The following POU6F2 variants were observed in gnomAD, a reference collection of about 807,000 sequenced individuals.
The protein encoded by POU6F2 is POU class 6 homeobox 2, also known as POU domain, class 6, transcription factor 2.
Under a neutral mutation model 71.3 loss-of-function variants are expected in POU6F2, and 31 were observed. The observed-to-expected ratio is 0.43, with a 90% CI of 0.33 to 0.59. The LOEUF (loss-of-function observed/expected upper bound fraction) is 0.59. Among genes scored for constraint, POU6F2 ranks in the 20% least tolerant of loss-of-function variants. The probability of loss-of-function intolerance (pLI) is 0.04; values close to 1 mark genes in which losing one functional copy is unlikely to be tolerated. For missense variants in POU6F2, 783 were observed against 856.8 expected (o/e 0.91, Z 1.07); for synonymous variants, 347 against 355.7 (o/e 0.98, Z 0.27).
chr7:39,287,905 A>G (rs1463037998), intron 4 of POU6F2, among the ~76,000 whole-genome samples: 1 of 152,170 alleles, frequency 6.6e-6, no homozygotes, highest in Non-Finnish European at 1.5e-5. Context: ...TCTGTATATA[A>G]CAGATGCTCA....
intron 1 of POU6F2, among the ~76,000 whole-genome samples, chr7:39,032,149 G>T (rs2128709625): frequency 6.6e-6 from 1 of 152,180 alleles, no homozygotes; most frequent in East Asian, 1.9e-4. Flanking sequence ...GTTGCATTTT[G>T]TTTACCAGTG....
At chr7:39,229,252 C>A (rs181038123) in intron 4 of POU6F2, among the ~76,000 whole-genome samples, 1 of 152,224 alleles carries the variant, frequency 6.6e-6, no homozygotes, top group Non-Finnish European at 1.5e-5. Flanking sequence ...TCCTCCAGCC[C>A]CACTTCAGTA....
intron 4 of POU6F2, among the ~76,000 whole-genome samples, chr7:39,278,193 CTG>C (rs1054503011): frequency 4.6e-5 from 7 of 152,052 alleles, no homozygotes; most frequent in Admixed American, 3.3e-4. Context: ...AAGGAGAACT[CTG>C]AGGAAAAGCA....
At chr7:39,293,007 CA>C (rs1784789762) in intron 4 of POU6F2, among the ~76,000 whole-genome samples, 1 of 152,032 alleles carries the variant, frequency 6.6e-6, no homozygotes, top group South Asian at 2.1e-4. Context: ...TCTGTCTTAC[CA>C]AAAAGAGAAA....
chr7:39,340,864 G>C (rs1202829843), intron 5 of POU6F2, among the ~76,000 whole-genome samples: 4 of 152,122 alleles, frequency 2.6e-5, no homozygotes, highest in African/African-American at 7.2e-5. Context: ...CATCATATCA[G>C]ATCCAGAAAT....
intron 2 of POU6F2, among the ~76,000 whole-genome samples, chr7:39,114,623 G>A (rs910540155): frequency 6.6e-6 from 1 of 152,060 alleles, no homozygotes; most frequent in Non-Finnish European, 1.5e-5. Context: ...ATTTTTGATG[G>A]TATTAAAGAC....
chr7:39,397,479 C>CATAT (rs138498102), intron 5 of POU6F2, among the ~76,000 whole-genome samples: 51 of 142,510 alleles, frequency 3.6e-4, no homozygotes, highest in Middle Eastern at 3.6e-3. Flanking sequence ...TAGAGAGAGA[C>CATAT]ATATATATAT....
chr7:39,014,283 G>A (rs1420904333), intron 1 of POU6F2, among the ~76,000 whole-genome samples: 1 of 152,146 alleles, frequency 6.6e-6, no homozygotes, highest in Non-Finnish European at 1.5e-5. Flanking sequence ...ATTTCCCACA[G>A]GAGATTGTTT....
intron 1 of POU6F2, among the ~76,000 whole-genome samples, chr7:39,048,802 G>A (rs987653521): frequency 6.6e-6 from 1 of 151,962 alleles, no homozygotes; most frequent in Admixed American, 6.6e-5. Flanking sequence ...CACCAGCAGT[G>A]TATGAGCCGT....
intron 1 of POU6F2, among the ~76,000 whole-genome samples, chr7:39,047,413 T>C (rs1307250754): frequency 6.6e-6 from 1 of 151,948 alleles, no homozygotes. Context: ...GTAGTTTTCA[T>C]TGTATAAATC....
At chr7:39,413,445 T>C (rs1787597401) in intron 6 of POU6F2, among the ~76,000 whole-genome samples, 1 of 152,242 alleles carries the variant, frequency 6.6e-6, no homozygotes, top group Admixed American at 6.5e-5. Context: ...ACATGTTTTG[T>C]TGAAAATTCA....
chr7:39,105,649 T>TA (rs1791665136), intron 2 of POU6F2, among the ~76,000 whole-genome samples: 1 of 152,204 alleles, frequency 6.6e-6, no homozygotes, highest in Non-Finnish European at 1.5e-5. Flanking sequence ...AAGATCCCAT[T>TA]AAGACTCAGA....
chr7:39,464,497 C>G lies in POU6F2; in HGVS notation c.1974C>G (p.Asn658Lys). The G allele has an allele frequency of 6.2e-7, 1 of 1,613,808 alleles. No homozygotes were observed. The highest frequency in any genetic ancestry group is 8.5e-7 in the Non-Finnish European group (1 of 1,179,794). The change falls in exon 10 of 10, where the codon AAC (asparagine) becomes AAG (lysine). Residue 658 changes from asparagine (N) to lysine (K), a missense_variant. Asn to Lys is a moderately conservative substitution (Grantham distance 94, BLOSUM62 0). Transcript: ENST00000518318. This position sits in a 1 kb window ranked among gnomAD's most constrained non-coding sequence, Gnocchi z 4.1. Reference protein sequence around the residue: ...LEILNAHFEKNTHPSGQEMTE... With the variant: ...LEILNAHFEKKTHPSGQEMTE... ...TCCTCAATGCCCACTTTGAGAAGAACACACACCCTTCTGGGCAGGAAATGA... is the reference window on the plus strand; with the variant it reads ...TCCTCAATGCCCACTTTGAGAAGAAGACACACCCTTCTGGGCAGGAAATGA...
intron 2 of POU6F2, among the ~76,000 whole-genome samples, chr7:39,155,320 C>A (rs1792847472): frequency 6.6e-6 from 1 of 151,514 alleles, no homozygotes; most frequent in Admixed American, 6.6e-5. Flanking sequence ...ATAGAGCAAC[C>A]TTATATGAGA....
chr7:38,994,955 C>G lies in POU6F2; in HGVS notation c.105+16897C>G, dbSNP rs549191167. ...ACTTCCAAGAATCCCCATTGACAGA[C>G]TGATCAACTCAGATCTTCTTATTGA... On this transcript the variant is annotated intron_variant, in intron 1 of 9. Coordinates refer to ENST00000518318, the MANE Select transcript of POU6F2 (RefSeq NM_001370959.1). Among the ~76,000 whole-genome samples, 16 of 152,326 alleles carry G rather than the reference C, an allele frequency of 1.1e-4. No homozygotes were observed. The East Asian group carries it at 2.9e-3, about 28-fold the overall frequency.
At chr7:39,111,065 G>T (rs944135680) in intron 2 of POU6F2, among the ~76,000 whole-genome samples, 4 of 151,972 alleles carry the variant, frequency 2.6e-5, no homozygotes, top group African/African-American at 9.7e-5. Context: ...ATCAATTTTT[G>T]ATAAATGTGT....
At chr7:39,194,321 G>A (rs1478728768) in intron 2 of POU6F2, among the ~76,000 whole-genome samples, 2 of 152,212 alleles carry the variant, frequency 1.3e-5, no homozygotes, top group Non-Finnish European at 2.9e-5. Context: ...TCTTGAGATC[G>A]AGAACACATC....
intron 2 of POU6F2, among the ~76,000 whole-genome samples, chr7:39,148,933 C>T (rs1007034379): frequency 5.3e-5 from 8 of 152,062 alleles, no homozygotes; most frequent in Admixed American, 2.0e-4. Context: ...TGTGGAAGGA[C>T]GGGGAGTTTC....
intron 4 of POU6F2, among the ~76,000 whole-genome samples, chr7:39,210,881 G>A (rs1354261081): frequency 3.9e-5 from 6 of 152,144 alleles, no homozygotes; most frequent in East Asian, 3.9e-4. Context: ...TAGTCTGTTT[G>A]GGCTGCTATA....
Sources: allele counts gnomAD v4.1 joint callset (sites outside exome capture counted in the v4.1 genomes callset), GRCh38; gene constraint gnomAD v4.1.1; non-coding constraint Gnocchi (gnomAD v3.1); transcripts MANE v1.5; gene names NCBI Gene and HGNC (gene_info 2026-07-23, HGNC 2026-07-21).